Variants in SCRG1 observed in about 807,000 individuals in gnomAD.
SCRG1 encodes stimulator of chondrogenesis 1.
A neutral mutation model predicts 7.7 loss-of-function variants in SCRG1; 3 were observed. That is an observed-to-expected ratio of 0.39 (90% confidence interval 0.18 to 1.01). The LOEUF is 1.01. Among genes scored for constraint, SCRG1 ranks in the 50% least tolerant of loss-of-function variants. The probability of loss-of-function intolerance (pLI) is 0.36; values close to 1 mark genes in which losing one functional copy is unlikely to be tolerated. For missense variants in SCRG1, 110 were observed against 117.2 expected (o/e 0.94, Z 0.28); for synonymous variants, 46 against 41.2 (o/e 1.12, Z -0.44).
At chr4:173,391,023 A>G (rs1739421225) in intron 2 of SCRG1, 150 bp downstream of exon 2, 1 of 765,024 alleles carries the variant, frequency 1.3e-6, no homozygotes, top group South Asian at 1.7e-5. Flanking sequence ...AGTTCTTTAC[A>G]CAATAGTGAT....
chr4:173,400,978 G>A (rs184132085), upstream of SCRG1, among the ~76,000 whole-genome samples: 2 of 152,316 alleles, frequency 1.3e-5, no homozygotes, highest in African/African-American at 2.4e-5. Context: ...TTAGGAGAGT[G>A]TCATCATGGA....
the SCRG1 span, among the ~76,000 whole-genome samples, chr4:173,510,734 G>A: frequency 1.3e-5 from 2 of 151,938 alleles, no homozygotes; most frequent in Non-Finnish European, 2.9e-5. The surrounding 1 kb of genome is among the most constrained non-coding windows in gnomAD (Gnocchi z 5.7). Flanking sequence ...TACCCACCCC[G>A]GCAACTGGAA....
At chr4:173,388,461 G>T (rs529369576) in intron 2 of SCRG1, 66 bp from the exon 3 acceptor site, 76 of 1,064,814 alleles carry the variant, frequency 7.1e-5, no homozygotes, top group Non-Finnish European at 9.8e-5. Flanking sequence ...TCTATTCTAG[G>T]TTAAAAATAG....
the SCRG1 span, among the ~76,000 whole-genome samples, chr4:173,445,308 C>T: frequency 0.027 from 4,128 of 151,928 alleles, 150 homozygotes; most frequent in East Asian, 0.11. Context: ...CAAGGCCGGG[C>T]GCGATGGCTC....
the SCRG1 span, among the ~76,000 whole-genome samples, chr4:173,453,895 G>C: frequency 2.6e-5 from 4 of 152,064 alleles, no homozygotes. Context: ...TGGCCAACAT[G>C]ATGAAACCCC....
intron 1 of SCRG1, among the ~76,000 whole-genome samples, chr4:173,394,245 T>TTTC (rs370469961): frequency 1.3e-5 from 2 of 152,118 alleles, no homozygotes; most frequent in Non-Finnish European, 2.9e-5. Flanking sequence ...TGTTTTTCTT[T>TTTC]TTCTTCTTCT....
the SCRG1 span, among the ~76,000 whole-genome samples, chr4:173,437,239 A>T: frequency 6.6e-6 from 1 of 152,164 alleles, no homozygotes; most frequent in Non-Finnish European, 1.5e-5. Context: ...TATGTAAGAC[A>T]CTCAAAACAA....
chr4:173,416,852 AG>A, the SCRG1 span, among the ~76,000 whole-genome samples: 1 of 151,804 alleles, frequency 6.6e-6, no homozygotes, highest in African/African-American at 2.4e-5. Context: ...ACACATAAGA[AG>A]AAAATAGAAA....
At chr4:173,446,958 A>G in the SCRG1 span, among the ~76,000 whole-genome samples, 1 of 152,222 alleles carries the variant, frequency 6.6e-6, no homozygotes, top group Non-Finnish European at 1.5e-5. Context: ...CAGTCACTTC[A>G]AGGAATGTTG....
At chr4:173,396,535 G>GA (rs1282659613) in intron 1 of SCRG1, among the ~76,000 whole-genome samples, 1 of 152,114 alleles carries the variant, frequency 6.6e-6, no homozygotes, top group Non-Finnish European at 1.5e-5. Context: ...AGTAAGTGTT[G>GA]AAAAAATTTC....
the SCRG1 span, among the ~76,000 whole-genome samples, chr4:173,413,942 A>G: frequency 6.6e-6 from 1 of 152,178 alleles, no homozygotes; most frequent in Non-Finnish European, 1.5e-5. Flanking sequence ...ACAAGCAACA[A>G]CCTGATTATG....
chr4:173,484,758 A>ATAATACATATTATATATTATATACATG, the SCRG1 span, among the ~76,000 whole-genome samples: 86 of 92,902 alleles, frequency 9.3e-4, 2 homozygotes, highest in African/African-American at 4.1e-3. Context: ...TTATATACAT[A>ATAATACATATTATATATTATATACATG]TAATACATAT....
At chr4:173,509,569 G>A in the SCRG1 span, among the ~76,000 whole-genome samples, 5 of 152,152 alleles carry the variant, frequency 3.3e-5, no homozygotes, top group Admixed American at 3.3e-4. This position sits in a 1 kb window ranked among gnomAD's most constrained non-coding sequence, Gnocchi z 5.7. Flanking sequence ...GCGGCTGCCG[G>A]GCAAAAACCT....
At chr4:173,427,224 C>G in the SCRG1 span, among the ~76,000 whole-genome samples, 78 of 152,318 alleles carry the variant, frequency 5.1e-4, no homozygotes, top group African/African-American at 1.8e-3. Context: ...TGGCACATCA[C>G]TGGTATGTAT....
upstream of SCRG1, among the ~76,000 whole-genome samples, chr4:173,403,478 C>T (rs1326796913): frequency 1.3e-5 from 2 of 152,090 alleles, no homozygotes; most frequent in African/African-American, 4.8e-5. Flanking sequence ...TCGTCTGCGC[C>T]GCCCCGGGAA....
At chr4:173,491,346 G>A in the SCRG1 span, among the ~76,000 whole-genome samples, 1 of 151,752 alleles carries the variant, frequency 6.6e-6, no homozygotes, top group Non-Finnish European at 1.5e-5. Flanking sequence ...CTGACATGGT[G>A]GTAGAGGGAC....
At chr4:173,502,755 C>A in the SCRG1 span, among the ~76,000 whole-genome samples, 1 of 152,190 alleles carries the variant, frequency 6.6e-6, no homozygotes, top group Non-Finnish European at 1.5e-5. The surrounding 1 kb of genome is among the most constrained non-coding windows in gnomAD (Gnocchi z 4.6). Context: ...AGACACCAAC[C>A]TGTCTGTTCC....
At chr4:173,447,765 A>G in the SCRG1 span, among the ~76,000 whole-genome samples, 1 of 152,210 alleles carries the variant, frequency 6.6e-6, no homozygotes, top group Non-Finnish European at 1.5e-5. Context: ...TGAGAAGCAC[A>G]TATAAAGTAC....
chr4:173,473,082 A>G, the SCRG1 span, among the ~76,000 whole-genome samples: 2 of 152,240 alleles, frequency 1.3e-5, no homozygotes, highest in Admixed American at 6.5e-5. Flanking sequence ...AATAAAAACT[A>G]TCCTAAAAAA....
Sources: allele counts gnomAD v4.1 joint callset (sites outside exome capture counted in the v4.1 genomes callset), GRCh38; gene constraint gnomAD v4.1.1; non-coding constraint Gnocchi (gnomAD v3.1); transcripts MANE v1.5; gene names NCBI Gene and HGNC (gene_info 2026-07-23, HGNC 2026-07-21).